The following FREM2 variants were observed in gnomAD, a reference collection of about 807,000 sequenced individuals.
FREM2 encodes FRAS1 related extracellular matrix 2, also known as FRAS1-related extracellular matrix protein 2.
FREM2 carries 119 observed loss-of-function variants against 219.9 expected under a neutral mutation model. The observed-to-expected ratio is 0.54, with a 90% CI of 0.47 to 0.63. The LOEUF is 0.63. FREM2 is among the 30% of genes least tolerant of loss of function. The pLI is 0.00. For missense variants in FREM2, 4,030 were observed against 3,993.6 expected (o/e 1.01, Z -0.25); for synonymous variants, 1,562 against 1,522.8 (o/e 1.03, Z -0.60).
intron 15 of FREM2, 23 bp downstream of exon 15, chr13:38,861,585 T>C: frequency 6.2e-7 from 1 of 1,613,544 alleles, no homozygotes; most frequent in African/African-American, 1.3e-5. Flanking sequence ...GGTAAGCAAA[T>C]CCATGGAATT....
chr13:38,872,622 C>T (rs1024684655), intron 16 of FREM2, 120 bp from the exon 17 acceptor site: 1 of 806,180 alleles, frequency 1.2e-6, no homozygotes, highest in Non-Finnish European at 2.1e-6. Context: ...GCTGTCATTT[C>T]CTCTTCTCAA....
intron 11 of FREM2, among the ~76,000 whole-genome samples, chr13:38,852,387 G>A (rs1877403462): frequency 6.6e-6 from 1 of 152,050 alleles, no homozygotes; most frequent in Non-Finnish European, 1.5e-5. Flanking sequence ...GGGAAATTTT[G>A]AGTAAATGTG....
chr13:38,712,129 C>T (rs745761615), intron 2 of FREM2, among the ~76,000 whole-genome samples: 2 of 151,940 alleles, frequency 1.3e-5, no homozygotes, highest in Non-Finnish European at 1.5e-5. Flanking sequence ...CCATGTTCCT[C>T]GTGATCCACC....
chr13:38,828,498 A>G (rs1483824462), intron 6 of FREM2, among the ~76,000 whole-genome samples: 1 of 152,076 alleles, frequency 6.6e-6, no homozygotes, highest in Non-Finnish European at 1.5e-5. Flanking sequence ...ACTTGAGGCC[A>G]GGAGTTTGAG....
At chr13:38,743,926 T>C (rs1872355253) in intron 2 of FREM2, among the ~76,000 whole-genome samples, 1 of 152,206 alleles carries the variant, frequency 6.6e-6, no homozygotes. Flanking sequence ...TATATGTAAG[T>C]ACATACAAAG....
chr13:38,705,217 T>C (rs992702362), intron 2 of FREM2, among the ~76,000 whole-genome samples: 2 of 152,086 alleles, frequency 1.3e-5, no homozygotes, highest in Non-Finnish European at 2.9e-5. Flanking sequence ...TAAGGTAAGC[T>C]TGATATAATG....
intron 2 of FREM2, among the ~76,000 whole-genome samples, chr13:38,754,009 G>C (rs995665850): frequency 7.7e-6 from 1 of 130,628 alleles, no homozygotes; most frequent in African/African-American, 2.7e-5. Context: ...GAATGGAGCT[G>C]GGGGAGGGGG....
intron 6 of FREM2, among the ~76,000 whole-genome samples, chr13:38,800,359 C>CTTTTTTTTTT (rs1874962416): frequency 6.6e-6 from 1 of 151,748 alleles, no homozygotes; most frequent in South Asian, 2.1e-4. Flanking sequence ...ACTTTTTTTT[C>CTTTTTTTTTT]TTTCAGTACT....
chr13:38,724,758 T>C (rs538398163), intron 2 of FREM2, among the ~76,000 whole-genome samples: 4 of 152,330 alleles, frequency 2.6e-5, no homozygotes, highest in Non-Finnish European at 4.4e-5. Context: ...TCCAGAGCAA[T>C]ATGGTGCAAG....
chr13:38,772,521 A>G (rs1873704451), intron 4 of FREM2, among the ~76,000 whole-genome samples: 1 of 152,192 alleles, frequency 6.6e-6, no homozygotes, highest in Non-Finnish European at 1.5e-5. Flanking sequence ...GTTACTATGC[A>G]ACAGACAGTG....
intron 2 of FREM2, among the ~76,000 whole-genome samples, chr13:38,720,162 T>C (rs543874402): frequency 6.6e-6 from 1 of 152,234 alleles, no homozygotes; most frequent in Non-Finnish European, 1.5e-5. Context: ...GTCTTAGCTG[T>C]GGGATTTCCC....
chr13:38,758,482 T>C (rs1440707947), intron 2 of FREM2, among the ~76,000 whole-genome samples: 1 of 152,206 alleles, frequency 6.6e-6, no homozygotes, highest in Non-Finnish European at 1.5e-5. Flanking sequence ...TCTCACAGCA[T>C]TTGCCAGGCT....
chr13:38,843,440 C>CAAAA (rs35771970), intron 6 of FREM2, among the ~76,000 whole-genome samples: 5,897 of 140,318 alleles, frequency 0.042, 209 homozygotes, highest in African/African-American at 0.093. Context: ...GTTTCTAGGC[C>CAAAA]AAAAAAAAAA....
chr13:38,856,983 A>AT (rs1877586849), intron 12 of FREM2, among the ~76,000 whole-genome samples: 1 of 151,926 alleles, frequency 6.6e-6, no homozygotes, highest in African/African-American at 2.4e-5. Context: ...TATTTTTATC[A>AT]TTTTGTAATC....
At chr13:38,812,672 G>C (rs1249222797) in intron 6 of FREM2, among the ~76,000 whole-genome samples, 2 of 152,048 alleles carry the variant, frequency 1.3e-5, no homozygotes, top group Non-Finnish European at 2.9e-5. Context: ...CTTGAGAACA[G>C]GAGTTTGAGA....
At chr13:38,736,059 T>G (rs1871980481) in intron 2 of FREM2, among the ~76,000 whole-genome samples, 1 of 152,164 alleles carries the variant, frequency 6.6e-6, no homozygotes, top group Non-Finnish European at 1.5e-5. Flanking sequence ...CGAAAGGGCT[T>G]CAGTGTATCC....
At position 38,850,961 on chromosome 13, in the gene FREM2, T is replaced by G; in HGVS notation, c.6595T>G (p.Cys2199Gly). The change falls in exon 10 of 24, where the codon TGC becomes GGC. Residue 2199 changes from cysteine to glycine, a missense_variant. This residue lies in a region of FREM2 where 3,102 missense variants were observed against 2,950.7 expected (regional missense o/e 1.05). Coordinates refer to ENST00000280481, the MANE Select transcript of FREM2 (RefSeq NM_207361.6). Reference protein sequence around the residue: ...TFLPGETEKPCILELMDDVLY... With the variant: ...TFLPGETEKPGILELMDDVLY... ...TGTTCCAGGTGAGACAGAAAAGCCC[T>G]GCATTCTTGAGCTGATGGACGATGT... 6.2e-7 allele frequency: 1 copy of G among 1,612,734 alleles called. No homozygotes were observed. The highest frequency in any genetic ancestry group is 8.5e-7 in the Non-Finnish European group (1 of 1,179,948).
intron 4 of FREM2, among the ~76,000 whole-genome samples, chr13:38,777,031 A>T (rs1873900199): frequency 1.3e-5 from 2 of 151,770 alleles, no homozygotes; most frequent in South Asian, 2.1e-4. Context: ...ATATTATGAT[A>T]TACATATATT....
At chr13:38,879,603 C>T (rs1402237105) in intron 23 of FREM2, among the ~76,000 whole-genome samples, 2 of 152,134 alleles carry the variant, frequency 1.3e-5, no homozygotes, top group Non-Finnish European at 2.9e-5. Flanking sequence ...AAAATTAACC[C>T]GACAGGATGG....
Sources: gnomAD v4.1 joint callset for allele counts (sites outside exome capture counted in the v4.1 genomes callset) on GRCh38, gnomAD v4.1.1 for gene constraint, gnomAD v4.1.1 regional missense constraint, MANE v1.5 for transcripts, NCBI Gene and HGNC (gene_info 2026-07-23, HGNC 2026-07-21) for gene names.